GLP2R: variants seen among roughly 807,000 people sequenced by gnomAD.
The protein encoded by GLP2R is glucagon-like peptide 2 receptor.
Under a neutral mutation model 68.2 loss-of-function variants are expected in GLP2R, and 59 were observed. That is an observed-to-expected ratio of 0.87 (90% CI 0.70 to 1.07). The LOEUF (loss-of-function observed/expected upper bound fraction) is 1.07. GLP2R is among the 50% of genes least tolerant of loss of function. The pLI is 0.00. For missense variants in GLP2R, 548 were observed against 677.4 expected (o/e 0.81, Z 2.12); for synonymous variants, 270 against 265.4 (o/e 1.02, Z -0.17).
At chr17:9,839,983 C>CTT (rs11387395) in intron 3 of GLP2R, among the ~76,000 whole-genome samples, 7,180 of 139,270 alleles carry the variant, frequency 0.052, 577 homozygotes, top group African/African-American at 0.17. Context: ...TCTGAAGCCT[C>CTT]TTTTTTTTTT....
intron 4 of GLP2R, among the ~76,000 whole-genome samples, chr17:9,849,143 T>C (rs1232953911): frequency 6.6e-6 from 1 of 151,754 alleles, no homozygotes; most frequent in Non-Finnish European, 1.5e-5. Flanking sequence ...TTATATATGA[T>C]TTTTCCAACA....
At chr17:9,874,924 C>A (rs1396685257) in intron 10 of GLP2R, among the ~76,000 whole-genome samples, 1 of 152,184 alleles carries the variant, frequency 6.6e-6, no homozygotes, top group Non-Finnish European at 1.5e-5. Flanking sequence ...GCTCATTCCC[C>A]AGATCCAGTG....
At chr17:9,849,607 CTTTTTTTTTTT>C (rs57795068) in intron 4 of GLP2R, among the ~76,000 whole-genome samples, 1 of 87,120 alleles carries the variant, frequency 1.1e-5, no homozygotes, top group Non-Finnish European at 2.0e-5. Context: ...TTTTCTCTTT[CTTTTTTTTTTT>C]TTTTTTTTTT....
intron 3 of GLP2R, among the ~76,000 whole-genome samples, chr17:9,841,789 G>A (rs2066789552): frequency 6.6e-6 from 1 of 152,136 alleles, no homozygotes; most frequent in African/African-American, 2.4e-5. Context: ...ATGATATGCA[G>A]GGCCAGGACT....
intron 3 of GLP2R, among the ~76,000 whole-genome samples, chr17:9,837,221 A>AT (rs201056213): frequency 0.011 from 1,673 of 152,004 alleles, 26 homozygotes; most frequent in African/African-American, 0.039. Flanking sequence ...CATTCTTTCT[A>AT]TTTTTTGTAC....
chr17:9,844,959 G>A (rs1042467339), intron 4 of GLP2R, among the ~76,000 whole-genome samples: 6 of 151,550 alleles, frequency 4.0e-5, no homozygotes, highest in African/African-American at 1.5e-4. Context: ...CCAAAGTGCT[G>A]GGATTACAGG....
intron 3 of GLP2R, among the ~76,000 whole-genome samples, chr17:9,839,960 T>G (rs922673450): frequency 1.4e-5 from 2 of 146,614 alleles, no homozygotes; most frequent in Non-Finnish European, 3.0e-5. Flanking sequence ...TACAGACCTC[T>G]CCCCTCTGCC....
At position 9,865,322 on chromosome 17, in the gene GLP2R, G is replaced by T. The variant is rs560186798; in HGVS notation, c.1056+3232G>T. Among the ~76,000 whole-genome samples the T allele has an allele frequency of 4.3e-3, 650 of 152,218 alleles. 10 individuals are homozygous for T. The highest frequency in any genetic ancestry group is 0.015 in the African/African-American group (634 of 41,528). ...TTTAGCCCCTTGTGATTTTGTGTGT[G>T]TGTGTGTGTGTGTGCAGACCTCTGC... is the stretch of plus-strand genomic sequence containing the variant. On this transcript the variant is annotated intron_variant, in intron 9 of 12. Transcript: ENST00000262441.
At chr17:9,880,289 G>A (rs2067183330) in intron 10 of GLP2R, 89 bp from the exon 11 acceptor site, 1 of 788,248 alleles carries the variant, frequency 1.3e-6, no homozygotes, top group Admixed American at 2.3e-5. Flanking sequence ...TATGGTAAGA[G>A]CTGCAACAAA....
chr17:9,879,172 C>T (rs1057065910), intron 10 of GLP2R, among the ~76,000 whole-genome samples: 4 of 151,592 alleles, frequency 2.6e-5, no homozygotes, highest in Non-Finnish European at 4.4e-5. Flanking sequence ...CCCAACACTT[C>T]GGGAGACTGA....
chr17:9,842,469 T>C (rs1260208533), intron 3 of GLP2R, 26 bp from the exon 4 acceptor site: 20 of 1,613,906 alleles, frequency 1.2e-5, no homozygotes, highest in Non-Finnish European at 1.7e-5. Context: ...TTCTGACCTT[T>C]CCTCCAGAGC....
intron 9 of GLP2R, among the ~76,000 whole-genome samples, chr17:9,867,739 G>C (rs1730925726): frequency 6.6e-6 from 1 of 152,122 alleles, no homozygotes; most frequent in Admixed American, 6.5e-5. Context: ...TGGCTGTTTT[G>C]AGCTAACAAA....
intron 10 of GLP2R, among the ~76,000 whole-genome samples, chr17:9,873,165 G>T (rs981428569): frequency 2.6e-5 from 4 of 152,164 alleles, no homozygotes; most frequent in Non-Finnish European, 4.4e-5. Flanking sequence ...AGGGAGGAGA[G>T]TTCTCTCAAT....
At chr17:9,843,883 G>T (rs541321062) in intron 4 of GLP2R, among the ~76,000 whole-genome samples, 1 of 150,840 alleles carries the variant, frequency 6.6e-6, no homozygotes, top group African/African-American at 2.5e-5. Context: ...ATAAACAGGG[G>T]ATAGCACGTG....
intron 10 of GLP2R, among the ~76,000 whole-genome samples, chr17:9,874,122 C>T (rs949191065): frequency 6.6e-6 from 1 of 152,130 alleles, no homozygotes; most frequent in African/African-American, 2.4e-5. Flanking sequence ...CTATTATCCT[C>T]TATTATAATA....
At chr17:9,847,470 A>G (rs975595415) in intron 4 of GLP2R, among the ~76,000 whole-genome samples, 46 of 151,958 alleles carry the variant, frequency 3.0e-4, no homozygotes, top group Non-Finnish European at 7.4e-5. Context: ...GGGTTTCACC[A>G]TGTTGGCCAG....
chr17:9,861,261 C>A, intron 8 of GLP2R, 62 bp downstream of exon 8: 4 of 1,043,842 alleles, frequency 3.8e-6, no homozygotes, highest in Non-Finnish European at 6.0e-6. Context: ...TGCCTAAATA[C>A]AAAGAATGAC....
intron 5 of GLP2R, among the ~76,000 whole-genome samples, 200 bp downstream of exon 5, chr17:9,854,801 G>A (rs1597388611): frequency 6.6e-6 from 1 of 152,188 alleles, no homozygotes; most frequent in South Asian, 2.1e-4. Context: ...CTCTGATAAA[G>A]TTTAATTTAT....
At chr17:9,859,512 G>A (rs373340164) in intron 6 of GLP2R, among the ~76,000 whole-genome samples, 3 of 151,914 alleles carry the variant, frequency 2.0e-5, no homozygotes, top group South Asian at 4.2e-4. Flanking sequence ...GAGGGAGGGG[G>A]CCGGGCACGG....
Sources: allele counts gnomAD v4.1 joint callset (sites outside exome capture counted in the v4.1 genomes callset), GRCh38; gene constraint gnomAD v4.1.1; transcripts MANE v1.5; gene names NCBI Gene and HGNC (gene_info 2026-07-23, HGNC 2026-07-21).